NMS: variants seen among roughly 807,000 people sequenced by gnomAD.
NMS encodes neuromedin-S.
A neutral mutation model predicts 32.2 loss-of-function variants in NMS; 30 were observed. That is an observed-to-expected ratio of 0.93 (90% CI 0.70 to 1.26). NMS has a LOEUF of 1.26. Ranked by LOEUF, NMS falls within the 50% of genes most tolerant of loss-of-function variation. The pLI is 0.00. For missense variants in NMS, 190 were observed against 186.3 expected (o/e 1.02, Z -0.12); for synonymous variants, 76 against 58.5 (o/e 1.30, Z -1.37).
intron 1 of NMS, 131 bp downstream of exon 1, chr2:100,470,695 C>T (rs1017119098): frequency 3.9e-6 from 3 of 772,862 alleles, no homozygotes; most frequent in Non-Finnish European, 6.8e-6. Flanking sequence ...TGATTTCTGG[C>T]TGCAATTTGT....
rs925063046 is a variant in NMS at position 100,472,707 on chromosome 2, A to C, written c.77-88A>C. ...TTCTTTGGTGGTTTATTATTTTAAC[A>C]GAATGTCTGTTTTTCATGATAAAGA... On this transcript the variant is annotated intron_variant, in intron 1 of 9. Coordinates refer to ENST00000376865, the MANE Select transcript of NMS (RefSeq NM_001011717.1). 4 of 808,650 alleles carry C rather than the reference A, an allele frequency of 4.9e-6. No homozygotes were observed. The Admixed American group carries it at 9.5e-5, about 19-fold the overall frequency. 50.1% of individuals were successfully genotyped at this position (808,650 alleles called of 1,614,324 possible). A position where few individuals can be genotyped will look rare whatever the true frequency, so the allele number is the denominator to read the frequency against.
chr2:100,479,314 GT>G, intron 5 of NMS, 38 bp from the exon 6 acceptor site: 1 of 1,496,228 alleles, frequency 6.7e-7, no homozygotes, highest in Middle Eastern at 2.1e-4. Flanking sequence ...CTCTGTGGAT[GT>G]CCCCCTGTCT....
intron 2 of NMS, 142 bp from the exon 3 acceptor site, chr2:100,473,347 G>A: frequency 2.9e-6 from 1 of 349,264 alleles, no homozygotes; most frequent in Non-Finnish European, 5.4e-6. Context: ...CATAGATTAT[G>A]GTTTATACTA....
intron 3 of NMS, among the ~76,000 whole-genome samples, chr2:100,474,913 T>C (rs991511278): frequency 6.6e-6 from 1 of 152,226 alleles, no homozygotes; most frequent in Non-Finnish European, 1.5e-5. Context: ...CTCAGAGTTC[T>C]TCATCCCTTT....
chr2:100,475,405 A>G (rs1415499020), intron 3 of NMS, among the ~76,000 whole-genome samples: 2 of 152,172 alleles, frequency 1.3e-5, no homozygotes, highest in Non-Finnish European at 2.9e-5. Flanking sequence ...GACAATTCAG[A>G]AAGCAGTCAC....
chr2:100,479,663 C>A (rs1042146301), intron 6 of NMS, among the ~76,000 whole-genome samples: 5 of 152,190 alleles, frequency 3.3e-5, no homozygotes, highest in Non-Finnish European at 7.3e-5. Context: ...CATGGCCCAG[C>A]CTGCTTCCAT....
chr2:100,482,232 G>T, intron 8 of NMS, 45 bp from the exon 9 acceptor site: 1 of 1,591,340 alleles, frequency 6.3e-7, no homozygotes, highest in Non-Finnish European at 8.6e-7. Flanking sequence ...ACAGGCTGCA[G>T]AAAGTTGTGT....
chr2:100,477,152 T>C (rs981980771), intron 3 of NMS, 92 bp from the exon 4 acceptor site: 3 of 1,037,886 alleles, frequency 2.9e-6, no homozygotes, highest in Non-Finnish European at 4.5e-6. Context: ...GTAAATCCAC[T>C]AAGGTCCATG....
chr2:100,473,711 CTT>C (rs1002487824), intron 3 of NMS, among the ~76,000 whole-genome samples, 172 bp downstream of exon 3: 5 of 151,550 alleles, frequency 3.3e-5, no homozygotes, highest in Non-Finnish European at 5.9e-5. Flanking sequence ...TGTTAAATAT[CTT>C]AAGTATCTTC....
At position 100,474,068 on chromosome 2, in the gene NMS, C is replaced by T. The variant is rs1677059440; in HGVS notation, c.183+529C>T. Among the ~76,000 whole-genome samples the T allele has an allele frequency of 2.0e-5, 3 of 152,092 alleles. No homozygotes were observed. The South Asian group carries it at 6.2e-4, about 32-fold the overall frequency. Reference sequence around the variant, plus strand: ...TGGCGCATACCTGTAATCCCAGCTACTCAGGAGAATTGCTTGAACCCGGGA... The same window carrying T: ...TGGCGCATACCTGTAATCCCAGCTATTCAGGAGAATTGCTTGAACCCGGGA... On this transcript the variant is annotated intron_variant, in intron 3 of 9. Coordinates refer to ENST00000376865, the MANE Select transcript of NMS (RefSeq NM_001011717.1).
At chr2:100,479,591 C>T (rs908746430) in intron 6 of NMS, among the ~76,000 whole-genome samples, 164 bp downstream of exon 6, 4 of 152,222 alleles carry the variant, frequency 2.6e-5, no homozygotes, top group South Asian at 2.1e-4. Context: ...TTGACCTCCC[C>T]GGGCCTCAGT....
chr2:100,477,719 C>T (rs1677138840), intron 5 of NMS, among the ~76,000 whole-genome samples: 1 of 152,106 alleles, frequency 6.6e-6, no homozygotes, highest in South Asian at 2.1e-4. Context: ...AAACACTGTG[C>T]TCTCTTTACA....
chr2:100,480,896 G>A (rs1470847089), intron 7 of NMS, among the ~76,000 whole-genome samples: 3 of 152,082 alleles, frequency 2.0e-5, no homozygotes, highest in South Asian at 2.1e-4. Flanking sequence ...GTTCTCAAAC[G>A]TGGCCATGCA....
At chr2:100,472,531 C>T (rs1234993776) in intron 1 of NMS, among the ~76,000 whole-genome samples, 1 of 152,208 alleles carries the variant, frequency 6.6e-6, no homozygotes, top group African/African-American at 2.4e-5. Context: ...TTGTACTGAA[C>T]ACTCATGGTA....
intron 9 of NMS, among the ~76,000 whole-genome samples, 197 bp downstream of exon 9, chr2:100,482,508 A>G (rs1382744455): frequency 1.3e-5 from 2 of 151,616 alleles, no homozygotes; most frequent in African/African-American, 4.8e-5. Flanking sequence ...AGCCTAGCAG[A>G]TGCAGGCTGT....
chr2:100,470,602 T>C (rs1232873416), intron 1 of NMS, 38 bp downstream of exon 1: 31 of 1,479,976 alleles, frequency 2.1e-5, no homozygotes, highest in Non-Finnish European at 2.9e-5. Context: ...TGGCCTAAAC[T>C]CTGAGGATGT....
intron 9 of NMS, 105 bp from the exon 10 acceptor site, chr2:100,483,143 AACTG>A: frequency 2.1e-6 from 2 of 965,474 alleles, no homozygotes; most frequent in South Asian, 3.0e-5. Flanking sequence ...TGACACTTCA[AACTG>A]AGGTCTAATT....
chr2:100,479,768 C>T (rs1216401842), intron 6 of NMS, among the ~76,000 whole-genome samples: 1 of 152,222 alleles, frequency 6.6e-6, no homozygotes, highest in East Asian at 1.9e-4. Flanking sequence ...ACACGAAACG[C>T]CCTGGCGATA....
At chr2:100,479,322 G>A in intron 5 of NMS, 31 bp from the exon 6 acceptor site, 1 of 1,575,358 alleles carries the variant, frequency 6.3e-7, no homozygotes, top group Non-Finnish European at 8.7e-7. Context: ...ATGTCCCCCT[G>A]TCTGACCCTC....
Sources: allele counts gnomAD v4.1 joint callset (sites outside exome capture counted in the v4.1 genomes callset), GRCh38; gene constraint gnomAD v4.1.1; transcripts MANE v1.5; gene names NCBI Gene and HGNC (gene_info 2026-07-23, HGNC 2026-07-21).